FBP2: variants seen among roughly 807,000 people sequenced by gnomAD.
FBP2 encodes the protein fructose-bisphosphatase 2, also known as fructose-1,6-bisphosphatase isozyme 2.
Under a neutral mutation model 31.6 loss-of-function variants are expected in FBP2, and 27 were observed. The observed-to-expected ratio is 0.85, with a 90% confidence interval of 0.63 to 1.18. FBP2 has a LOEUF of 1.18. FBP2 is among the 50% of genes most tolerant of loss of function. The probability of loss-of-function intolerance (pLI) is 0.00; values close to 1 mark genes in which losing one functional copy is unlikely to be tolerated. For synonymous variants in FBP2, 168 were observed against 179.8 expected (o/e 0.93, Z 0.53); for missense variants, 421 against 436.1 (o/e 0.97, Z 0.31).
At chr9:94,581,256 C>T (rs1827369821) in intron 3 of FBP2, among the ~76,000 whole-genome samples, 1 of 152,084 alleles carries the variant, frequency 6.6e-6, no homozygotes, top group South Asian at 2.1e-4. Context: ...AAGGGCCAGT[C>T]TTATGGGATC....
chr9:94,593,772 G>A lies in FBP2; in HGVS notation c.-46C>T. Reference sequence around the variant, plus strand: ...TCCTTTTCTCCCGGCAGGAAACCTTGCTTACTTCTGAGGGCTGCAGCTCCG... The same window carrying A: ...TCCTTTTCTCCCGGCAGGAAACCTTACTTACTTCTGAGGGCTGCAGCTCCG... On this transcript the variant is annotated 5_prime_UTR_variant, in exon 1 of 7. Transcript: ENST00000375337. 1 of 1,603,470 alleles carries A rather than the reference G, an allele frequency of 6.2e-7. No homozygotes were observed. The highest frequency in any genetic ancestry group is 1.7e-4 in the Middle Eastern group (1 of 5,986).
chr9:94,590,712 T>C (rs991826035), intron 1 of FBP2, among the ~76,000 whole-genome samples: 12 of 152,304 alleles, frequency 7.9e-5, no homozygotes, highest in South Asian at 2.1e-4. Context: ...CTCCACAGTG[T>C]GGAAAGAGAC....
Position 94,571,494 on chromosome 9 carries a change from C to T in FBP2, c.535G>A (p.Gly179Arg), listed in dbSNP as rs536762747. Reference protein sequence around the residue: ...GSATLVALSTGQGVDLFMLDP... With the variant: ...GSATLVALSTRQGVDLFMLDP... Reference sequence around the variant, plus strand: ...AGCATGAAGAGGTCCACGCCTTGCCCTGTGGAGAGAGCCACCAGGGTTGCA... The same window carrying T: ...AGCATGAAGAGGTCCACGCCTTGCCTTGTGGAGAGAGCCACCAGGGTTGCA... The change falls in exon 4 of 7, where the codon GGG becomes AGG. Residue 179 changes from glycine to arginine, a missense_variant. Transcript: ENST00000375337. The T allele has an allele frequency of 6.2e-7, 1 of 1,613,836 alleles. No homozygotes were observed. The highest frequency in any genetic ancestry group is 8.5e-7 in the Non-Finnish European group (1 of 1,179,890).
intron 2 of FBP2, among the ~76,000 whole-genome samples, chr9:94,585,261 A>G (rs1351422292): frequency 6.6e-6 from 1 of 151,758 alleles, no homozygotes; most frequent in Non-Finnish European, 1.5e-5. Flanking sequence ...TAATAATCCA[A>G]TTTTTTAAAA....
intron 2 of FBP2, among the ~76,000 whole-genome samples, chr9:94,585,190 T>C (rs1827413625): frequency 6.6e-6 from 1 of 152,202 alleles, no homozygotes; most frequent in African/African-American, 2.4e-5. Context: ...TTTTTTTCCT[T>C]GCTCAGCCAG....
At chr9:94,582,748 C>A (rs1484711167) in intron 3 of FBP2, among the ~76,000 whole-genome samples, 1 of 151,836 alleles carries the variant, frequency 6.6e-6, no homozygotes, top group East Asian at 1.9e-4. Context: ...CAGGGTTTCA[C>A]CATGTTAGCC....
chr9:94,591,446 C>G (rs1827502322), intron 1 of FBP2, among the ~76,000 whole-genome samples: 1 of 151,892 alleles, frequency 6.6e-6, no homozygotes, highest in South Asian at 2.1e-4. Context: ...GAGTGCGGGC[C>G]CGCCAAGCCC....
At chr9:94,592,863 GGA>G in intron 1 of FBP2, among the ~76,000 whole-genome samples, 1 of 152,198 alleles carries the variant, frequency 6.6e-6, no homozygotes, top group South Asian at 2.1e-4. Flanking sequence ...GACTTAAACT[GGA>G]CACTGGGCTG....
intron 3 of FBP2, among the ~76,000 whole-genome samples, chr9:94,573,399 C>T (rs966108409): frequency 1.3e-5 from 2 of 152,106 alleles, no homozygotes; most frequent in Admixed American, 6.5e-5. Context: ...GCTGGGACTA[C>T]GGGTATGCAC....
chr9:94,566,200 CCCCCCAAAACCTGGCCATAAACTG>C (rs1827187156), intron 5 of FBP2, among the ~76,000 whole-genome samples: 1 of 152,196 alleles, frequency 6.6e-6, no homozygotes, highest in South Asian at 2.1e-4. Context: ...TGGGAACAGG[CCCCCCAAAACCTGGCCATAAACTG>C]GCCCCAAAAC....
chr9:94,561,352 ATTTTTTTTTTTTTT>A (rs1174386595), intron 6 of FBP2, among the ~76,000 whole-genome samples: 11 of 54,990 alleles, frequency 2.0e-4, no homozygotes, highest in Admixed American at 1.3e-3. Context: ...TGTGACCTGT[ATTTTTTTTTTTTTT>A]TTTTTTTTTT....
intron 3 of FBP2, among the ~76,000 whole-genome samples, chr9:94,574,181 T>C (rs1827295142): frequency 6.6e-6 from 1 of 152,198 alleles, no homozygotes. Context: ...CTGATCATTT[T>C]CCCAAGATAA....
intron 1 of FBP2, 132 bp from the exon 2 acceptor site, chr9:94,587,601 CAGA>C (rs1827443077): frequency 1.3e-6 from 1 of 770,840 alleles, no homozygotes; most frequent in East Asian, 2.5e-5. Context: ...GTCACACGTG[CAGA>C]AGAAGGCGAT....
At chr9:94,562,324 A>C (rs1827121494) in intron 6 of FBP2, among the ~76,000 whole-genome samples, 1 of 151,622 alleles carries the variant, frequency 6.6e-6, no homozygotes, top group East Asian at 1.9e-4. Context: ...AAAAAAAAAA[A>C]AAAAAAAAGA....
chr9:94,564,469 C>T (rs1827156912), intron 5 of FBP2, among the ~76,000 whole-genome samples: 1 of 152,158 alleles, frequency 6.6e-6, no homozygotes, highest in Non-Finnish European at 1.5e-5. Flanking sequence ...CAATGGAATA[C>T]TATGCAGCCA....
intron 3 of FBP2, 148 bp from the exon 4 acceptor site, chr9:94,571,750 C>T: frequency 2.8e-6 from 2 of 703,116 alleles, no homozygotes; most frequent in South Asian, 2.5e-5. Context: ...CCAGAGGAAA[C>T]GAGTGGCCAT....
At chr9:94,591,319 T>C (rs934661075) in intron 1 of FBP2, among the ~76,000 whole-genome samples, 3 of 152,148 alleles carry the variant, frequency 2.0e-5, no homozygotes, top group Admixed American at 6.5e-5. Context: ...CAGCGAGAAA[T>C]CGAGCGCAGC....
chr9:94,587,042 T>G (rs953774551), intron 2 of FBP2, among the ~76,000 whole-genome samples: 1 of 152,154 alleles, frequency 6.6e-6, no homozygotes, highest in East Asian at 1.9e-4. Flanking sequence ...ACTGATTAAG[T>G]GAACAGCCAC....
At chr9:94,589,044 G>A (rs943543931) in intron 1 of FBP2, among the ~76,000 whole-genome samples, 3 of 152,140 alleles carry the variant, frequency 2.0e-5, no homozygotes. Flanking sequence ...GCATTCCCTG[G>A]TCCCCAACAT....
Sources: gnomAD v4.1 joint callset for allele counts (sites outside exome capture counted in the v4.1 genomes callset) on GRCh38, gnomAD v4.1.1 for gene constraint, MANE v1.5 for transcripts, NCBI Gene and HGNC (gene_info 2026-07-23, HGNC 2026-07-21) for gene names.